The following LRRTM4 variants were observed in gnomAD, a reference collection of about 807,000 sequenced individuals.
LRRTM4 encodes leucine rich repeat transmembrane neuronal 4.
In LRRTM4, 25 loss-of-function variants were observed where a neutral mutation model predicts 47.6. The observed-to-expected ratio is 0.53, with a 90% CI of 0.38 to 0.73. The LOEUF is 0.73. LRRTM4 is among the 30% of genes least tolerant of loss of function. The pLI, the probability that LRRTM4 is intolerant of heterozygous loss-of-function variation, is 0.00. For missense variants in LRRTM4, 638 were observed against 713.4 expected (o/e 0.89, Z 1.20); for synonymous variants, 311 against 269.5 (o/e 1.15, Z -1.51).
chr2:77,002,779 T>C (rs116015485), intron 3 of LRRTM4, among the ~76,000 whole-genome samples: 1,900 of 152,266 alleles, frequency 0.012, 40 homozygotes, highest in African/African-American at 0.043. Context: ...GCTTAAAAAG[T>C]CTCTTTTTAA....
intron 3 of LRRTM4, chr2:77,517,803 A>T (rs1175304616): frequency 1.0e-6 from 1 of 985,574 alleles, no homozygotes; most frequent in African/African-American, 1.7e-5. Context: ...CATGGGTGTG[A>T]GATCCCTGTT....
At chr2:77,357,848 A>C (rs2104308255) in intron 3 of LRRTM4, among the ~76,000 whole-genome samples, 1 of 152,322 alleles carries the variant, frequency 6.6e-6, no homozygotes, top group South Asian at 2.1e-4. Context: ...AAATCTTAAT[A>C]AACAGAGATG....
At chr2:77,007,401 G>A (rs1677696911) in intron 3 of LRRTM4, among the ~76,000 whole-genome samples, 1 of 152,172 alleles carries the variant, frequency 6.6e-6, no homozygotes, top group Non-Finnish European at 1.5e-5. Flanking sequence ...ATAGAGTCAT[G>A]CATGTAAAAT....
intron 3 of LRRTM4, among the ~76,000 whole-genome samples, chr2:77,500,742 G>T (rs1678542569): frequency 6.6e-6 from 1 of 151,422 alleles, no homozygotes; most frequent in African/African-American, 2.4e-5. Flanking sequence ...ATGTATCAAA[G>T]ACACTTTATT....
At chr2:77,099,167 T>C (rs1228752952) in intron 3 of LRRTM4, among the ~76,000 whole-genome samples, 2 of 152,084 alleles carry the variant, frequency 1.3e-5, no homozygotes, top group East Asian at 3.9e-4. Flanking sequence ...ACGGTATGAA[T>C]TCTCATACAT....
intron 3 of LRRTM4, among the ~76,000 whole-genome samples, chr2:77,351,104 T>C (rs566976182): frequency 6.6e-6 from 1 of 152,256 alleles, no homozygotes; most frequent in African/African-American, 2.4e-5. Context: ...CCAGTGCCTA[T>C]TGTTCCTCTC....
intron 3 of LRRTM4, among the ~76,000 whole-genome samples, chr2:77,315,181 G>T (rs920518): frequency 0.38 from 57,308 of 151,058 alleles, 13,148 homozygotes; most frequent in African/African-American, 0.63. Flanking sequence ...AAAGTTAAAG[G>T]TTTTTTTCTG....
chr2:76,840,646 C>T lies in LRRTM4; in HGVS notation c.1552-91730G>A, dbSNP rs562392609. Among the ~76,000 whole-genome samples the T allele has an allele frequency of 1.3e-4, 20 of 152,190 alleles. 1 individual carries two copies. The South Asian group carries it at 2.3e-3, about 17-fold the overall frequency. Reference sequence around the variant, plus strand: ...AACTGCTTGAGTTTCACAGCTGCCCCGACTACATGTGCAATCATTTCTCCA... The same window carrying T: ...AACTGCTTGAGTTTCACAGCTGCCCTGACTACATGTGCAATCATTTCTCCA... On this transcript the variant is annotated intron_variant, in intron 3 of 3. Coordinates refer to ENST00000409884, the MANE Select transcript of LRRTM4 (RefSeq NM_001134745.3).
At chr2:77,028,420 A>G (rs1678528290) in intron 3 of LRRTM4, among the ~76,000 whole-genome samples, 1 of 152,176 alleles carries the variant, frequency 6.6e-6, no homozygotes, top group South Asian at 2.1e-4. Context: ...CTTCATTAAC[A>G]CACTTCTGGA....
In LRRTM4 at chr2:76,816,819, G is replaced by GTTTTTTTTTTTTT. The variant is rs201525166; in HGVS notation, c.1552-67916_1552-67904dup. On this transcript the variant is annotated intron_variant, in intron 3 of 3. Transcript: ENST00000409884. ...CACTGCTTTTACTTAGAGGTAAAGAGTTTTTTTTTTTTTTTTTTTTTTTTT... is the reference window on the plus strand; with the variant it reads ...CACTGCTTTTACTTAGAGGTAAAGAGTTTTTTTTTTTTTTTTTTTTTTTTTTTTTTTTTTTTTT... 6.5e-4 allele frequency among the ~76,000 whole-genome samples: 63 copies of GTTTTTTTTTTTTT among 96,548 alleles called. 4 individuals carry two copies. The highest frequency in any genetic ancestry group is 1.2e-3 in the Non-Finnish European group (47 of 39,896). The allele number at this position is 96,548 out of a possible 152,430, so 63.3% of individuals were successfully genotyped here. A position where few individuals can be genotyped will look rare whatever the true frequency, so the allele number is the denominator to read the frequency against.
chr2:77,453,846 T>C (rs897378563), intron 3 of LRRTM4, among the ~76,000 whole-genome samples: 2 of 152,184 alleles, frequency 1.3e-5, no homozygotes, highest in African/African-American at 4.8e-5. Flanking sequence ...TAATAGTATT[T>C]AACTTTTTAT....
At chr2:77,079,166 C>T (rs1228684196) in intron 3 of LRRTM4, among the ~76,000 whole-genome samples, 1 of 152,156 alleles carries the variant, frequency 6.6e-6, no homozygotes, top group Admixed American at 6.5e-5. Flanking sequence ...AAACAACTGA[C>T]ATAAGGGAAA....
chr2:77,231,361 G>A (rs1674961183), intron 3 of LRRTM4, among the ~76,000 whole-genome samples: 1 of 151,948 alleles, frequency 6.6e-6, no homozygotes, highest in South Asian at 2.1e-4. Flanking sequence ...AAATTATAAC[G>A]GAATCTTATA....
chr2:76,945,974 A>T (rs1484172530), intron 3 of LRRTM4, among the ~76,000 whole-genome samples: 1 of 151,962 alleles, frequency 6.6e-6, no homozygotes, highest in Admixed American at 6.6e-5. Flanking sequence ...TTTCTCTTAA[A>T]ATAGCCATGA....
chr2:76,748,782 G>T lies in LRRTM4; in HGVS notation c.1686C>A (p.Gly562=). Residue 562 remains glycine, a synonymous_variant, in exon 4 of 4, where the codon GGC becomes GGA. Coordinates refer to ENST00000409884, the MANE Select transcript of LRRTM4 (RefSeq NM_001134745.3). ...AGCTGTGGTCTCGGCCCAGCTCCAG[G>T]CCGGGGCTTTCGTCCTGCTCTGGAG... is the stretch of plus-strand genomic sequence containing the variant. The part of the protein sequence containing the change: ...TVSPEQDESP[G]LELGRDHSFI... 6.2e-7 allele frequency: 1 copy of T among 1,614,018 alleles called. No homozygotes were observed. The highest frequency in any genetic ancestry group is 1.3e-5 in the African/African-American group (1 of 75,052).
chr2:77,332,782 A>G (rs1671017689), intron 3 of LRRTM4, among the ~76,000 whole-genome samples: 1 of 152,180 alleles, frequency 6.6e-6, no homozygotes, highest in Non-Finnish European at 1.5e-5. Flanking sequence ...CTACACCTAC[A>G]CTATAGAATT....
intron 3 of LRRTM4, among the ~76,000 whole-genome samples, chr2:76,864,660 C>CA (rs758059198): frequency 0.04 from 4,039 of 100,656 alleles, 163 homozygotes; most frequent in African/African-American, 0.11. Flanking sequence ...AACTCCATCC[C>CA]AAAAAAAAAA....
intron 3 of LRRTM4, among the ~76,000 whole-genome samples, chr2:77,184,510 G>A (rs963291128): frequency 6.6e-6 from 1 of 152,006 alleles, no homozygotes; most frequent in South Asian, 2.1e-4. Flanking sequence ...CAAAAGAAGT[G>A]GAATTATTGT....
intron 3 of LRRTM4, among the ~76,000 whole-genome samples, chr2:76,828,599 T>C (rs1167783090): frequency 6.6e-6 from 1 of 151,974 alleles, no homozygotes; most frequent in Non-Finnish European, 1.5e-5. Flanking sequence ...AGCTGTTAAG[T>C]TGTGGGTGAC....
Sources: allele counts gnomAD v4.1 joint callset (sites outside exome capture counted in the v4.1 genomes callset), GRCh38; gene constraint gnomAD v4.1.1; transcripts MANE v1.5; gene names NCBI Gene and HGNC (gene_info 2026-07-23, HGNC 2026-07-21).